UTP25: variants seen among roughly 807,000 people sequenced by gnomAD.
UTP25 encodes the protein UTP25 small subunit processome component.
A neutral mutation model predicts 78.9 loss-of-function variants in UTP25; 50 were observed. That is an observed-to-expected ratio of 0.63 (90% CI 0.50 to 0.80). UTP25 has a LOEUF of 0.80. Among genes scored for constraint, UTP25 ranks in the 30% least tolerant of loss-of-function variants. The probability of loss-of-function intolerance (pLI) is 0.00; values close to 1 mark genes in which losing one functional copy is unlikely to be tolerated. For synonymous variants in UTP25, 329 were observed against 336.5 expected, an observed-to-expected ratio of 0.98 and a Z score of 0.24; for missense variants, 846 against 911.3, an observed-to-expected ratio of 0.93 and a Z score of 0.92.
Position 209,842,465 on chromosome 1 carries a change from T to G in UTP25, c.1668+18T>G. The G allele has an allele frequency of 6.2e-7, 1 of 1,614,106 alleles. No homozygotes were observed. Among genetic ancestry groups the G allele is most frequent in the Non-Finnish European group, 8.5e-7 (1 of 1,179,930 alleles). On this transcript the variant is annotated intron_variant, in intron 9 of 11. Coordinates refer to ENST00000491415, the MANE Select transcript of UTP25 (RefSeq NM_014388.7). ...AAGGCCAGGTGGGTTCTCGTCTTGTTTCCTCAGTATCTTCATGAGCACTGT... is the reference window on the plus strand; with the variant it reads ...AAGGCCAGGTGGGTTCTCGTCTTGTGTCCTCAGTATCTTCATGAGCACTGT...
chr1:209,829,358 G>A (rs1378090777), intron 1 of UTP25, among the ~76,000 whole-genome samples: 1 of 152,172 alleles, frequency 6.6e-6, no homozygotes, highest in Non-Finnish European at 1.5e-5. Context: ...ATTACGATAA[G>A]GAACTAAGTG....
Position 209,836,448 on chromosome 1 carries a change from C to G in UTP25, c.652-353C>G, listed in dbSNP as rs2078133443. ...GTGATGTTTATCAAGGGTATTTGAC[C>G]ATGGAACCCCTTTGTTTCTAGAATG... is the stretch of plus-strand genomic sequence containing the variant. On this transcript the variant is annotated intron_variant, in intron 5 of 11. Transcript: ENST00000491415. Among the ~76,000 whole-genome samples the G allele has an allele frequency of 2.0e-5, 3 of 152,254 alleles. No homozygotes were observed. The South Asian group carries it at 6.2e-4, about 32-fold the overall frequency.
In UTP25 at chr1:209,833,366, C is replaced by A; in HGVS notation, c.562+8C>A. Reference sequence around the variant, plus strand: ...CTTTGAAAGCCTCTCAAGGTCATAGCACAGTGTGTGTTATTTGAATTCACC... The same window carrying A: ...CTTTGAAAGCCTCTCAAGGTCATAGAACAGTGTGTGTTATTTGAATTCACC... On this transcript the variant is annotated splice_region_variant and intron_variant, in intron 4 of 11. Transcript: ENST00000491415. 6.5e-7 allele frequency: 1 copy of A among 1,532,042 alleles called. No individual in the cohort carries two copies. 94.9% of individuals were successfully genotyped at this position (1,532,042 alleles called of 1,614,324 possible). A position where few individuals can be genotyped will look rare whatever the true frequency, so the allele number is the denominator to read the frequency against.
Position 209,843,450 on chromosome 1 carries a change from G to C in UTP25, c.1782-1G>C. The C allele has an allele frequency of 6.2e-7, 1 of 1,613,674 alleles. No homozygotes were observed. The highest frequency in any genetic ancestry group is 8.5e-7 in the Non-Finnish European group (1 of 1,179,762). ...TTTTGCCCTTTGCCATTCCAAATCA[G>C]GTTTAACTTTTTTGTGAACAAGATT... is the stretch of plus-strand genomic sequence containing the variant. On this transcript the variant is annotated splice_acceptor_variant, in intron 10 of 11. Transcript: ENST00000491415. LOFTEE classifies it high-confidence loss of function.
At chr1:209,842,147 C>T (rs1169292407) in intron 8 of UTP25, 118 bp from the exon 9 acceptor site, 4 of 1,081,482 alleles carry the variant, frequency 3.7e-6, no homozygotes, top group Non-Finnish European at 5.3e-6. Context: ...CCTCAGTTTT[C>T]TTGTTATAAT....
chr1:209,847,758 C>G (rs1235846378), intron 11 of UTP25, among the ~76,000 whole-genome samples: 1 of 152,172 alleles, frequency 6.6e-6, no homozygotes, highest in East Asian at 1.9e-4. Flanking sequence ...TATCTGGAGA[C>G]ATTTTTGGTT....
Position 209,838,912 on chromosome 1 carries a change from C to T in UTP25, c.1066C>T (p.Leu356=). 1 of 1,614,090 alleles carries T rather than the reference C, an allele frequency of 6.2e-7. No homozygotes were observed. Among genetic ancestry groups the T allele is most frequent in the Non-Finnish European group, 8.5e-7 (1 of 1,179,958 alleles). The stretch of plus-strand genomic sequence containing the variant: ...GCTGCTGTTGCTGTCTGCACAGGTA[C>T]TGATAGTGGTGCCATTCCGGGAAGC... ...RDQGLTRPKV[L]IVVPFREAAL... is the part of the protein sequence containing the mutation. The change falls in exon 7 of 12, where the codon CTG becomes TTG. Residue 356 remains leucine (L), a synonymous_variant. Coordinates refer to ENST00000491415, the MANE Select transcript of UTP25 (RefSeq NM_014388.7).
At chr1:209,834,956 A>C in intron 4 of UTP25, 119 bp from the exon 5 acceptor site, 1 of 713,492 alleles carries the variant, frequency 1.4e-6, no homozygotes, top group Non-Finnish European at 2.3e-6. Flanking sequence ...AGGGTGGGGA[A>C]AGTCAATGGA....
At chr1:209,835,330 G>A (rs1450582304) in intron 5 of UTP25, among the ~76,000 whole-genome samples, 167 bp downstream of exon 5, 1 of 152,206 alleles carries the variant, frequency 6.6e-6, no homozygotes, top group African/African-American at 2.4e-5. Flanking sequence ...GGGCACAGTT[G>A]TAGCTAGAAA....
chr1:209,851,229 C>A lies in UTP25; in HGVS notation c.2053C>A (p.Leu685Met). The change falls in exon 12 of 12, where the codon CTG becomes ATG. Residue 685 changes from leucine to methionine, a missense_variant. Leu to Met is a conservative substitution (Grantham distance 15). Coordinates refer to ENST00000491415, the MANE Select transcript of UTP25 (RefSeq NM_014388.7). ...KRYTIKGIRNLIFYELPTYPH... is the reference protein window; with the variant it reads ...KRYTIKGIRNMIFYELPTYPH... Reference sequence around the variant, plus strand: ...GTATACAATAAAAGGCATCAGGAACCTGATTTTCTATGAACTGCCGACATA... The same window carrying A: ...GTATACAATAAAAGGCATCAGGAACATGATTTTCTATGAACTGCCGACATA... 11 of 1,613,556 alleles carry A rather than the reference C, an allele frequency of 6.8e-6. No individual in the cohort carries two copies. Among genetic ancestry groups the A allele is most frequent in the Non-Finnish European group, 9.3e-6 (11 of 1,179,886 alleles).
chr1:209,839,712 T>C (rs2078155628), intron 7 of UTP25, among the ~76,000 whole-genome samples: 1 of 152,244 alleles, frequency 6.6e-6, no homozygotes, highest in South Asian at 2.1e-4. Flanking sequence ...CATTCACAAA[T>C]ACTTATTGAG....
In UTP25 at chr1:209,833,275, C is replaced by G; in HGVS notation, c.479C>G (p.Ala160Gly). ...ACATCCCCCGAAGAGTTCACAGATGCAAAACACGAGTCACTGTTCAGCCTG... is the reference window on the plus strand; with the variant it reads ...ACATCCCCCGAAGAGTTCACAGATGGAAAACACGAGTCACTGTTCAGCCTG... ...SQTSPEEFTD[A>G]KHESLFSLET... The change falls in exon 4 of 12, where the codon GCA becomes GGA. Residue 160 changes from alanine to glycine, a missense_variant. Ala to Gly is a moderately conservative substitution (Grantham distance 60). Coordinates refer to ENST00000491415, the MANE Select transcript of UTP25 (RefSeq NM_014388.7). 1 of 1,606,804 alleles carries G rather than the reference C, an allele frequency of 6.2e-7. No homozygotes were observed. The highest frequency in any genetic ancestry group is 8.5e-7 in the Non-Finnish European group (1 of 1,177,888).
At chr1:209,839,857 T>G (rs1321294749) in intron 7 of UTP25, among the ~76,000 whole-genome samples, 1 of 152,208 alleles carries the variant, frequency 6.6e-6, no homozygotes, top group Non-Finnish European at 1.5e-5. Context: ...GTGCAACGGT[T>G]GTTCTCGGAG....
chr1:209,848,109 A>G (rs1572008643), intron 11 of UTP25, among the ~76,000 whole-genome samples: 1 of 152,230 alleles, frequency 6.6e-6, no homozygotes, highest in African/African-American at 2.4e-5. Context: ...GTCACATCCC[A>G]GTACCAATTA....
rs1369465548 is a variant in UTP25 at position 209,828,136 on chromosome 1, C to G, written c.73C>G (p.Arg25Gly). 6.2e-7 allele frequency: 1 copy of G among 1,614,142 alleles called. No individual in the cohort carries two copies. Among genetic ancestry groups the G allele is most frequent in the East Asian group, 2.2e-5 (1 of 44,870 alleles). Reference sequence around the variant, plus strand: ...AACTAAAAAGCAGAAGAAACATCTTCGAGATTTCGGCGAGGAGCATCCCTT... The same window carrying G: ...AACTAAAAAGCAGAAGAAACATCTTGGAGATTTCGGCGAGGAGCATCCCTT... ...TLTKKQKKHL[R>G]DFGEEHPFYD... The change falls in exon 1 of 12, where the codon CGA becomes GGA. Residue 25 changes from arginine (R) to glycine (G), a missense_variant. Arg to Gly is a moderately radical substitution (Grantham distance 125). Transcript: ENST00000491415.
At position 209,833,314 on chromosome 1, in the gene UTP25, TG is replaced by T. The variant is rs989913284; in HGVS notation, c.520del (p.Glu174LysfsTer10). The T allele has an allele frequency of 2.5e-6, 4 of 1,593,906 alleles. No homozygotes were observed. The African/African-American group carries it at 5.4e-5, about 22-fold the overall frequency. ...CTGTTCAGCCTGGAAACCAATTTTC[TG>T]GAAGAGGAAAGTGGAGACAACTCTT... ...ESLFSLETNF[L>X]EEESGDNSSL... On this transcript the variant is annotated frameshift_variant, in exon 4 of 12. Coordinates refer to ENST00000491415, the MANE Select transcript of UTP25 (RefSeq NM_014388.7). LOFTEE classifies it high-confidence loss of function.
At chr1:209,849,259 G>A (rs1312694749) in intron 11 of UTP25, among the ~76,000 whole-genome samples, 1 of 152,186 alleles carries the variant, frequency 6.6e-6, no homozygotes, top group African/African-American at 2.4e-5. Flanking sequence ...CCTTTTATCT[G>A]TGAGGGATCT....
At chr1:209,835,006 T>C (rs2078125305) in intron 4 of UTP25, 69 bp from the exon 5 acceptor site, 2 of 1,230,200 alleles carry the variant, frequency 1.6e-6, no homozygotes, top group South Asian at 2.6e-5. Flanking sequence ...AACATGTCTT[T>C]CACAGGGGAA....
At chr1:209,849,227 C>T (rs2078215934) in intron 11 of UTP25, among the ~76,000 whole-genome samples, 1 of 152,202 alleles carries the variant, frequency 6.6e-6, no homozygotes, top group Non-Finnish European at 1.5e-5. Flanking sequence ...TGCCCCGCTA[C>T]CTCCGTGGCA....
Sources: gnomAD v4.1 joint callset for allele counts (sites outside exome capture counted in the v4.1 genomes callset) on GRCh38, gnomAD v4.1.1 for gene constraint, MANE v1.5 for transcripts, NCBI Gene and HGNC (gene_info 2026-07-23, HGNC 2026-07-21) for gene names.